The following ITGA10 variants were observed in gnomAD, a reference collection of about 807,000 sequenced individuals.
The protein encoded by ITGA10 is integrin alpha-10.
In ITGA10, 105 loss-of-function variants were observed where a neutral mutation model predicts 145.2. The observed-to-expected ratio is 0.72, with a 90% CI of 0.62 to 0.85. The LOEUF is 0.85. ITGA10 is among the 40% of genes least tolerant of loss of function. The pLI, the probability that ITGA10 is intolerant of heterozygous loss-of-function variation, is 0.00. For synonymous variants in ITGA10, 506 were observed against 557.8 expected (o/e 0.91, Z 1.31); for missense variants, 1,317 against 1,444.5 (o/e 0.91, Z 1.43).
intron 26 of ITGA10, 61 bp from the exon 27 acceptor site, chr1:145,895,454 C>T (rs1655251058): frequency 6.9e-7 from 1 of 1,448,776 alleles, no homozygotes; most frequent in Non-Finnish European, 9.6e-7. Context: ...CCTCTTTCCC[C>T]ACCTCTAGTT....
Position 145,898,135 on chromosome 1 carries a change from C to A in ITGA10, c.2321G>T (p.Gly774Val). Residue 774 changes from glycine (G) to valine (V), a missense_variant, in exon 18 of 30, where the codon GGC becomes GTC. Physicochemically the swap from Gly to Val is moderately radical, Grantham distance 109. Coordinates refer to ENST00000369304, the MANE Select transcript of ITGA10 (RefSeq NM_003637.5). ...CAGCTTTTGTATAGAGGTGGGTGAGCCCTCATTCAGCACAGGCCCTGGCTT... is the reference window on the plus strand; with the variant it reads ...CAGCTTTTGTATAGAGGTGGGTGAGACCTCATTCAGCACAGGCCCTGGCTT... Reference protein sequence around the residue: ...TTKPGPVLNEGSPTSIQKLVP... With the variant: ...TTKPGPVLNEVSPTSIQKLVP... 2 of 1,613,888 alleles carry A rather than the reference C, an allele frequency of 1.2e-6. No individual in the cohort carries two copies. The highest frequency in any genetic ancestry group is 1.1e-5 in the South Asian group (1 of 91,072).
intron 1 of ITGA10, among the ~76,000 whole-genome samples, chr1:145,909,575 TATA>T (rs1339225592): frequency 8.2e-5 from 11 of 134,142 alleles, no homozygotes; most frequent in African/African-American, 3.2e-4. Context: ...ATATATAATA[TATA>T]ATTATGTTAC....
At chr1:145,900,728 A>G (rs1553747724) in intron 14 of ITGA10, 62 bp downstream of exon 14, 6 of 1,542,670 alleles carry the variant, frequency 3.9e-6, no homozygotes, top group Non-Finnish European at 5.4e-6. Flanking sequence ...TTGACAAGCA[A>G]AGAGCATCCC....
At position 145,896,292 on chromosome 1, in the gene ITGA10, G is replaced by C. The variant is rs782333583; in HGVS notation, c.2895C>G (p.Gly965=). 2 of 1,613,922 alleles carry C rather than the reference G, an allele frequency of 1.2e-6. No individual in the cohort carries two copies. Among genetic ancestry groups the C allele is most frequent in the Admixed American group, 3.3e-5 (2 of 60,028 alleles). Residue 965 remains glycine (G), a synonymous_variant, in exon 24 of 30, where the codon GGC becomes GGG. Coordinates refer to ENST00000369304, the MANE Select transcript of ITGA10 (RefSeq NM_003637.5). ...HPYGTLPVGP[G]PEFKTTLRVQ... Reference sequence around the variant, plus strand: ...CCCTGAGAGTGGTTTTGAATTCTGGGCCAGGACCCACTGGGAGGGTCCCAT... The same window carrying C: ...CCCTGAGAGTGGTTTTGAATTCTGGCCCAGGACCCACTGGGAGGGTCCCAT...
intron 14 of ITGA10, 32 bp from the exon 15 acceptor site, chr1:145,900,219 G>A: frequency 1.3e-6 from 2 of 1,587,658 alleles, no homozygotes; most frequent in Non-Finnish European, 1.7e-6. Flanking sequence ...CTGAGGCAGG[G>A]ACCCATACAC....
At position 145,902,444 on chromosome 1, in the gene ITGA10, T is replaced by G; in HGVS notation, c.1075+10A>C. 1.9e-6 allele frequency: 3 copies of G among 1,609,972 alleles called. No individual in the cohort carries two copies. The highest frequency in any genetic ancestry group is 1.7e-5 in the Admixed American group (1 of 59,744). ...TCCCGCCCTGTCCATTTCTCCAGAG[T>G]AATCCTCACCTTCAAGGCCAAAAAT... On this transcript the variant is annotated intron_variant, in intron 9 of 29. Coordinates refer to ENST00000369304, the MANE Select transcript of ITGA10 (RefSeq NM_003637.5).
rs1553746078 is a variant in ITGA10 at position 145,898,167 on chromosome 1, A to G, written c.2289T>C (p.Asn763=). ...VALTVTFALD[N]TTKPGPVLNE... Reference sequence around the variant, plus strand: ...TCAGCACAGGCCCTGGCTTTGTAGTATTGTCCAAGGCAAAGGTCACAGTCA... The same window carrying G: ...TCAGCACAGGCCCTGGCTTTGTAGTGTTGTCCAAGGCAAAGGTCACAGTCA... The change falls in exon 18 of 30, where the codon AAT becomes AAC. Residue 763 remains asparagine (N), a synonymous_variant. Coordinates refer to ENST00000369304, the MANE Select transcript of ITGA10 (RefSeq NM_003637.5). 1 of 1,614,024 alleles carries G rather than the reference A, an allele frequency of 6.2e-7. No homozygotes were observed. The highest frequency in any genetic ancestry group is 2.2e-5 in the East Asian group (1 of 44,856).
rs1435360248 is a variant in ITGA10 at position 145,895,156 on chromosome 1, C to T, written c.3228+124G>A. The T allele has an allele frequency of 4.7e-6, 3 of 638,018 alleles. No homozygotes were observed. The East Asian group carries it at 8.5e-5, about 18-fold the overall frequency. The allele number at this position is 638,018 out of a possible 1,614,324, so 39.5% of individuals were successfully genotyped here. A position where few individuals can be genotyped will look rare whatever the true frequency, so the allele number is the denominator to read the frequency against. On this transcript the variant is annotated intron_variant, in intron 27 of 29. Coordinates refer to ENST00000369304, the MANE Select transcript of ITGA10 (RefSeq NM_003637.5). Reference sequence around the variant, plus strand: ...GCTTAGAGAGATGAAATAACTTGCTCATGGTCAAATAGCTAGTAAGAGGCA... The same window carrying T: ...GCTTAGAGAGATGAAATAACTTGCTTATGGTCAAATAGCTAGTAAGAGGCA...
rs782085839 is a variant in ITGA10, at chr1:145,895,696, G to A, written c.3049C>T (p.Gln1017Ter). ...VITNNASCIV[Q>*]NLTEPPGPPV... ...GGGCCTGGGGGTTCAGTCAGGTTCT[G>A]CACTATGCAGCTTGCCTAGAGGAAG... The change falls in exon 26 of 30, where the codon CAG becomes TAG. Residue 1017 changes from glutamine (Q) to a stop codon, truncating the protein, a stop_gained. Transcript: ENST00000369304. LOFTEE classifies it high-confidence loss of function. 2 of 1,614,120 alleles carry A rather than the reference G, an allele frequency of 1.2e-6. No homozygotes were observed. Among genetic ancestry groups the A allele is most frequent in the South Asian group, 2.2e-5 (2 of 91,090 alleles).
intron 26 of ITGA10, 108 bp downstream of exon 26, chr1:145,895,523 C>T (rs1188995001): frequency 1.5e-6 from 2 of 1,354,816 alleles, no homozygotes; most frequent in Admixed American, 1.9e-5. Context: ...AGATCAGGAC[C>T]CTGGGGTGGA....
At position 145,892,298 on chromosome 1, in the gene ITGA10, A is replaced by G. The variant is rs1553743411; in HGVS notation, c.*500T>C. On this transcript the variant is annotated 3_prime_UTR_variant, in exon 30 of 30. Coordinates refer to ENST00000369304, the MANE Select transcript of ITGA10 (RefSeq NM_003637.5). ...TCCCCATCCGGCTCTATGAATCACC[A>G]GAGTCCACAGGAAAGCAGCAGATGT... is the stretch of plus-strand genomic sequence containing the variant. 1 of 153,680 alleles carries G rather than the reference A, an allele frequency of 6.5e-6. No individual in the cohort carries two copies. The highest frequency in any genetic ancestry group is 6.5e-5 in the Admixed American group (1 of 15,338). The allele number at this position is 153,680 out of a possible 1,614,324, so 9.5% of individuals were successfully genotyped here.
Position 145,904,088 on chromosome 1 carries a change from CGT to C in ITGA10, c.720_721del (p.Glu242AsnfsTer34). On this transcript the variant is annotated frameshift_variant, in exon 7 of 30. Coordinates refer to ENST00000369304, the MANE Select transcript of ITGA10 (RefSeq NM_003637.5). LOFTEE classifies it high-confidence loss of function. Reference sequence around the variant, plus strand: ...TATTGCTTGGGCAGTCTTTGTTTCTCGTCCCTCCCGCCGACTGAGGTTCTTTG... The same window carrying C: ...TATTGCTTGGGCAGTCTTTGTTTCTCCCCTCCCGCCGACTGAGGTTCTTTG... The C allele has an allele frequency of 6.2e-7, 1 of 1,614,058 alleles. No homozygotes were observed. Among genetic ancestry groups the C allele is most frequent in the African/African-American group, 1.3e-5 (1 of 75,010 alleles).
rs1553749551 is a variant in ITGA10, at chr1:145,902,880, A to G, written c.840T>C (p.His280=). 1 of 1,613,954 alleles carries G rather than the reference A, an allele frequency of 6.2e-7. No homozygotes were observed. The highest frequency in any genetic ancestry group is 1.7e-5 in the Admixed American group (1 of 60,002). The change falls in exon 8 of 30, where the codon CAT becomes CAC. Residue 280 remains histidine (H), a synonymous_variant. Transcript: ENST00000369304. The part of the protein sequence containing the change: ...LLVVVTDGES[H]DGEELPAALK... ...GTGCTGCAGGAAGCTCCTCTCCATCATGGGACTCTCCATCAGTGACAACCA... is the reference window on the plus strand; with the variant it reads ...GTGCTGCAGGAAGCTCCTCTCCATCGTGGGACTCTCCATCAGTGACAACCA...
At chr1:145,906,319 T>C in intron 5 of ITGA10, 75 bp downstream of exon 5, 1 of 1,113,744 alleles carries the variant, frequency 9.0e-7, no homozygotes, top group Non-Finnish European at 1.4e-6. Flanking sequence ...CCAGGCATCA[T>C]ACCGCTTTGC....
intron 17 of ITGA10, among the ~76,000 whole-genome samples, chr1:145,898,649 T>C (rs987328023): frequency 2.6e-5 from 4 of 152,170 alleles, no homozygotes; most frequent in South Asian, 2.1e-4. Flanking sequence ...ATTACAAGCG[T>C]GAGCCACTGC....
chr1:145,900,665 T>C (rs1263703505), intron 14 of ITGA10, 125 bp downstream of exon 14: 1 of 950,026 alleles, frequency 1.1e-6, no homozygotes, highest in Non-Finnish European at 1.6e-6. Flanking sequence ...CCTTATGTTT[T>C]TGCCTACTAA....
Position 145,891,826 on chromosome 1 carries a change from T to C in ITGA10, c.*972A>G, listed in dbSNP as rs1654780487. ...GCAGACTCCACACTTTTAGATCCCA[T>C]GGGGCTGCTGCTTCCCAAAGCTGGT... On this transcript the variant is annotated 3_prime_UTR_variant, in exon 30 of 30. Coordinates refer to ENST00000369304, the MANE Select transcript of ITGA10 (RefSeq NM_003637.5). 2.0e-5 allele frequency: 3 copies of C among 152,238 alleles called. No homozygotes were observed. The highest frequency in any genetic ancestry group is 2.9e-5 in the Non-Finnish European group (2 of 68,054). The allele number at this position is 152,238 out of a possible 1,614,324, so 9.4% of individuals were successfully genotyped here.
At position 145,902,832 on chromosome 1, in the gene ITGA10, T is replaced by TC; in HGVS notation, c.887dup (p.Val297SerfsTer27). On this transcript the variant is annotated frameshift_variant, in exon 8 of 30. Coordinates refer to ENST00000369304, the MANE Select transcript of ITGA10 (RefSeq NM_003637.5). LOFTEE classifies it high-confidence loss of function. Reference sequence around the variant, plus strand: ...TCACTGCAATCCCATAGCGTGTCACTCTTCCAGCCTCACAGGCCTTTAGTG... The same window carrying TC: ...TCACTGCAATCCCATAGCGTGTCACTCCTTCCAGCCTCACAGGCCTTTAGTG... 1 of 1,611,744 alleles carries TC rather than the reference T, an allele frequency of 6.2e-7. No individual in the cohort carries two copies. Among genetic ancestry groups the TC allele is most frequent in the Non-Finnish European group, 8.5e-7 (1 of 1,178,920 alleles).
Position 145,899,155 on chromosome 1 carries a change from G to A in ITGA10, c.2089+20C>T, listed in dbSNP as rs2274617. 0.36 allele frequency: 587,967 copies of A among 1,613,938 alleles called. 109,043 individuals carry two copies. Among genetic ancestry groups the A allele is most frequent in the East Asian group, 0.56 (25,055 of 44,860 alleles). On this transcript the variant is annotated intron_variant, in intron 16 of 29. Transcript: ENST00000369304. ...ATGCAAGGAATTGAGAGTTGCCTGT[G>A]ATGCATTTTAGTCACTCACAGAATT...
Sources: gnomAD v4.1 joint callset for allele counts (sites outside exome capture counted in the v4.1 genomes callset) on GRCh38, gnomAD v4.1.1 for gene constraint, MANE v1.5 for transcripts, NCBI Gene and HGNC (gene_info 2026-07-23, HGNC 2026-07-21) for gene names.